The following MYB variants were observed in gnomAD, a reference collection of about 807,000 sequenced individuals.
MYB encodes the protein transcriptional activator Myb.
MYB carries 28 observed loss-of-function variants against 92.9 expected under a neutral mutation model. The ratio of observed to expected loss-of-function variants is 0.30; its 90% confidence interval spans 0.22 to 0.41. MYB has a LOEUF of 0.41. Among genes scored for constraint, MYB ranks in the 10% least tolerant of loss-of-function variants. The pLI is 1.00. For synonymous variants in MYB, 295 were observed against 329.1 expected (o/e 0.90, Z 1.12); for missense variants, 679 against 929.3 (o/e 0.73, Z 3.50).
In MYB at chr6:135,211,203, A is replaced by G. The variant is rs1779660671; in HGVS notation, c.2170-6661A>G. ...CTTTTTCATCTAGTGTGCTGTGCTG[A>G]CCCGCTCCCCTGGATGCCTGCACAC... On this transcript the variant is annotated intron_variant, in intron 15 of 15. Coordinates refer to ENST00000341911, the MANE Select transcript of MYB (RefSeq NM_001130173.2). 2.0e-5 allele frequency among the ~76,000 whole-genome samples: 3 copies of G among 146,654 alleles called. No individual in the cohort carries two copies. In the South Asian group the frequency reaches 6.8e-4, roughly 33 times the overall value.
chr6:135,214,920 A>T (rs964861968), intron 15 of MYB, among the ~76,000 whole-genome samples: 6 of 152,252 alleles, frequency 3.9e-5, no homozygotes, highest in African/African-American at 1.2e-4. Flanking sequence ...GGAAAACATT[A>T]AATTCGGAAT....
At chr6:135,210,508 C>T (rs188728330) in intron 15 of MYB, among the ~76,000 whole-genome samples, 1 of 152,312 alleles carries the variant, frequency 6.6e-6, no homozygotes, top group African/African-American at 2.4e-5. Context: ...TTCGGTTCAG[C>T]GTGTTTTAGA....
chr6:135,205,576 T>C (rs527849009), intron 15 of MYB, among the ~76,000 whole-genome samples: 1 of 152,332 alleles, frequency 6.6e-6, no homozygotes, highest in Non-Finnish European at 1.5e-5. Context: ...TTAATCTGTA[T>C]TCTCCTGTCT....
At chr6:135,200,698 T>A (rs1448938036) in intron 13 of MYB, 1 of 407,614 alleles carries the variant, frequency 2.5e-6, no homozygotes. Context: ...TTTTAAACAT[T>A]ACTGATTATA....
chr6:135,185,587 C>G (rs1775806803), intron 1 of MYB, among the ~76,000 whole-genome samples: 1 of 152,178 alleles, frequency 6.6e-6, no homozygotes, highest in Non-Finnish European at 1.5e-5. Context: ...AAGTTTTCAA[C>G]TTAAACCTTC....
chr6:135,196,808 A>G (rs2128297516), intron 9 of MYB, 153 bp from the exon 10 acceptor site: 1 of 1,575,254 alleles, frequency 6.3e-7, no homozygotes, highest in South Asian at 1.1e-5. Flanking sequence ...ACTGCAGTAT[A>G]ATAGAGCAAC....
At chr6:135,206,219 AAAAAAAAATAAT>A (rs1445255972) in intron 15 of MYB, among the ~76,000 whole-genome samples, 8 of 142,638 alleles carry the variant, frequency 5.6e-5, no homozygotes, top group Non-Finnish European at 9.1e-5. Flanking sequence ...AAAAAAAAAA[AAAAAAAAATAAT>A]AATAATAATA....
intron 15 of MYB, among the ~76,000 whole-genome samples, chr6:135,210,124 A>T (rs776707678): frequency 4.6e-5 from 7 of 152,352 alleles, no homozygotes; most frequent in Non-Finnish European, 1.0e-4. Context: ...TTTGTTTTGA[A>T]AAAAGCACAT....
chr6:135,216,752 C>G (rs210939), intron 15 of MYB, among the ~76,000 whole-genome samples: 53,133 of 151,666 alleles, frequency 0.35, 9,316 homozygotes, highest in East Asian at 0.4. Flanking sequence ...TCTTGTATTT[C>G]TTTTCTAATC....
intron 15 of MYB, among the ~76,000 whole-genome samples, chr6:135,214,189 G>A (rs1161333689): frequency 1.3e-5 from 2 of 151,940 alleles, no homozygotes; most frequent in Non-Finnish European, 1.5e-5. Flanking sequence ...GGCTGAGGCG[G>A]GAGGCTTGCT....
intron 8 of MYB, chr6:135,195,521 TAAC>T: frequency 3.8e-6 from 2 of 522,434 alleles, no homozygotes; most frequent in Non-Finnish European, 6.8e-6. Context: ...TACAAAATGA[TAAC>T]AAGGTAATCA....
At position 135,181,593 on chromosome 6, in the gene MYB, GC is replaced by G; in HGVS notation, c.23+59del. The G allele has an allele frequency of 9.1e-7, 1 of 1,098,868 alleles. No individual in the cohort carries two copies. Among genetic ancestry groups the G allele is most frequent in the Non-Finnish European group, 1.1e-6 (1 of 886,980 alleles). 68.1% of individuals were successfully genotyped at this position (1,098,868 alleles called of 1,614,324 possible). On this transcript the variant is annotated intron_variant, in intron 1 of 15. Transcript: ENST00000341911. The surrounding 1 kb of genome is among the most constrained non-coding windows in gnomAD (Gnocchi z 5.3). ...GGGGGCGCGCGGGGGCGCGCGGGGC[GC>G]CAGGCTCCCGGGAGCAGGTGGGAAT...
chr6:135,206,079 A>G (rs1380410248), intron 15 of MYB, among the ~76,000 whole-genome samples: 2 of 151,228 alleles, frequency 1.3e-5, no homozygotes, highest in Admixed American at 6.6e-5. Context: ...AGTGGCGGGC[A>G]CCTGTAGTCC....
chr6:135,184,248 G>A (rs1280074155), intron 1 of MYB, among the ~76,000 whole-genome samples: 4 of 150,682 alleles, frequency 2.7e-5, no homozygotes, highest in African/African-American at 9.8e-5. Flanking sequence ...ACAAGGGACT[G>A]CATTTGGGGT....
rs552775541 is a variant in MYB, at chr6:135,203,657, T to C, written c.2169+333T>C. On this transcript the variant is annotated intron_variant, in intron 15 of 15. Transcript: ENST00000341911. ...TCTGCCCTCAAATGTTTTATAAAAA[T>C]ATATCAATATAGTTTACTTTATGTT... The C allele has an allele frequency of 1.6e-5, 20 of 1,268,300 alleles. No homozygotes were observed. In the African/African-American group the frequency reaches 3.0e-4, roughly 19 times the overall value. The allele number at this position is 1,268,300 out of a possible 1,614,324, so 78.6% of individuals were successfully genotyped here. A position where few individuals can be genotyped will look rare whatever the true frequency, so the allele number is the denominator to read the frequency against.
chr6:135,207,169 GTACTT>G (rs572119684), intron 15 of MYB, among the ~76,000 whole-genome samples: 28 of 152,024 alleles, frequency 1.8e-4, no homozygotes, highest in Non-Finnish European at 4.0e-4. Context: ...TTACTTAAGA[GTACTT>G]TATATAATCT....
chr6:135,193,765 C>G (rs1776930027), intron 6 of MYB, 73 bp from the exon 7 acceptor site: 3 of 1,005,990 alleles, frequency 3.0e-6, no homozygotes, highest in Non-Finnish European at 4.6e-6. Context: ...AGAACGAAAC[C>G]TCAGGAAGCC....
At chr6:135,204,870 G>A (rs1778650989) in intron 15 of MYB, among the ~76,000 whole-genome samples, 1 of 152,146 alleles carries the variant, frequency 6.6e-6, no homozygotes, top group Non-Finnish European at 1.5e-5. Flanking sequence ...CACTTTGGGA[G>A]GCCAAGGCGG....
At chr6:135,183,854 T>C (rs979520817) in intron 1 of MYB, among the ~76,000 whole-genome samples, 5 of 152,210 alleles carry the variant, frequency 3.3e-5, no homozygotes, top group African/African-American at 1.2e-4. Context: ...GTATTAGCGC[T>C]GGAAAGTACC....
Sources: gnomAD v4.1 joint callset for allele counts (sites outside exome capture counted in the v4.1 genomes callset) on GRCh38, gnomAD v4.1.1 for gene constraint, Gnocchi (gnomAD v3.1) non-coding constraint, MANE v1.5 for transcripts, NCBI Gene and HGNC (gene_info 2026-07-23, HGNC 2026-07-21) for gene names.